Variants in GPHN observed in about 807,000 individuals in gnomAD.
GPHN encodes the protein gephyrin.
A neutral mutation model predicts 95.5 loss-of-function variants in GPHN; 17 were observed. The observed-to-expected ratio is 0.18, with a 90% confidence interval of 0.12 to 0.27. The LOEUF is 0.27. Among genes scored for constraint, GPHN ranks in the 10% least tolerant of loss-of-function variants. The probability of loss-of-function intolerance (pLI) is 1.00; values close to 1 mark genes in which losing one functional copy is unlikely to be tolerated. For missense variants in GPHN, 660 were observed against 978.1 expected (o/e 0.67, Z 4.34); for synonymous variants, 320 against 322.5 (o/e 0.99, Z 0.08).
chr14:67,192,844 A>G, the GPHN span, among the ~76,000 whole-genome samples: 6 of 146,236 alleles, frequency 4.1e-5, no homozygotes, highest in Non-Finnish European at 8.9e-5. Context: ...ATATATATCT[A>G]TATATAGATA....
At chr14:67,577,149 C>T in the GPHN span, among the ~76,000 whole-genome samples, 1 of 152,148 alleles carries the variant, frequency 6.6e-6, no homozygotes, top group African/African-American at 2.4e-5. Flanking sequence ...ACCTGTACAC[C>T]CCACACTCTA....
chr14:67,359,730 G>A, the GPHN span: 8 of 1,613,536 alleles, frequency 5.0e-6, no homozygotes, highest in Middle Eastern at 1.7e-4. Flanking sequence ...CGGGTCCCCG[G>A]CCGGGCAACC....
the GPHN span, among the ~76,000 whole-genome samples, chr14:67,614,337 T>A: frequency 2.0e-5 from 3 of 152,246 alleles, no homozygotes; most frequent in African/African-American, 2.4e-5. Context: ...ACACTGCCTT[T>A]GAGAATTTGT....
intron 8 of GPHN, among the ~76,000 whole-genome samples, chr14:66,936,011 G>A (rs964796521): frequency 1.4e-4 from 21 of 152,088 alleles, no homozygotes; most frequent in African/African-American, 4.8e-4. Flanking sequence ...CTCTGCTATA[G>A]CACCTTTCAT....
At chr14:67,538,941 G>C in the GPHN span, among the ~76,000 whole-genome samples, 1 of 152,180 alleles carries the variant, frequency 6.6e-6, no homozygotes, top group East Asian at 1.9e-4. Context: ...TGATAATTTG[G>C]GTTTTCACTC....
chr14:67,477,726 A>T, the GPHN span, among the ~76,000 whole-genome samples: 1 of 152,204 alleles, frequency 6.6e-6, no homozygotes. Context: ...GAACTCTTGA[A>T]TTCAAGACTA....
the GPHN span, chr14:67,645,586 G>A: frequency 6.4e-7 from 1 of 1,571,604 alleles, no homozygotes; most frequent in Non-Finnish European, 8.6e-7. Flanking sequence ...GAGGACGTTT[G>A]TTATCGGTCA....
intron 13 of GPHN, among the ~76,000 whole-genome samples, chr14:67,108,961 AT>A (rs1244079643): frequency 6.6e-6 from 1 of 151,942 alleles, no homozygotes; most frequent in African/African-American, 2.4e-5. Flanking sequence ...TTGTTGGGCA[AT>A]TTTCTTGTTG....
intron 1 of GPHN, among the ~76,000 whole-genome samples, chr14:66,672,206 A>G (rs2066336221): frequency 6.6e-6 from 1 of 152,112 alleles, no homozygotes; most frequent in East Asian, 1.9e-4. Context: ...CATGTTCTTT[A>G]GAAGTGTTTT....
intron 10 of GPHN, among the ~76,000 whole-genome samples, chr14:67,056,963 TAAGCCCCTCACTGC>T (rs1422240195): frequency 6.6e-6 from 1 of 152,146 alleles, no homozygotes; most frequent in African/African-American, 2.4e-5. Context: ...GCCTGGGGGC[TAAGCCCCTCACTGC>T]AGGGCCCGCC....
At chr14:66,582,304 TA>T (rs1389818870) in intron 1 of GPHN, among the ~76,000 whole-genome samples, 1 of 152,038 alleles carries the variant, frequency 6.6e-6, no homozygotes, top group Non-Finnish European at 1.5e-5. Flanking sequence ...AATGGGAAAT[TA>T]AAGGGAAATT....
chr14:67,354,857 A>C, the GPHN span, among the ~76,000 whole-genome samples: 2 of 152,356 alleles, frequency 1.3e-5, no homozygotes, highest in East Asian at 1.9e-4. Context: ...CTTGTTGCCC[A>C]GGCTAGAGTG....
chr14:67,398,839 G>A, the GPHN span, among the ~76,000 whole-genome samples: 1 of 152,198 alleles, frequency 6.6e-6, no homozygotes, highest in African/African-American at 2.4e-5. Context: ...AGGATTACAT[G>A]CATGAGCCAC....
chr14:67,670,470 C>T, the GPHN span, among the ~76,000 whole-genome samples: 1 of 152,126 alleles, frequency 6.6e-6, no homozygotes, highest in Admixed American at 6.5e-5. Context: ...TTTTTTGAAG[C>T]TTCCCCCTCT....
At chr14:67,667,740 C>T in the GPHN span, among the ~76,000 whole-genome samples, 1 of 152,160 alleles carries the variant, frequency 6.6e-6, no homozygotes, top group East Asian at 1.9e-4. Context: ...GTCAGGAGAT[C>T]GAGACCATCC....
chr14:67,256,321 T>G, the GPHN span, among the ~76,000 whole-genome samples: 1 of 152,210 alleles, frequency 6.6e-6, no homozygotes, highest in African/African-American at 2.4e-5. Context: ...CACTTGCGTT[T>G]GTTTCATGTC....
At chr14:66,705,499 G>A (rs540972606) in intron 2 of GPHN, among the ~76,000 whole-genome samples, 55 of 152,268 alleles carry the variant, frequency 3.6e-4, no homozygotes, top group Non-Finnish European at 6.5e-4. Context: ...TGGGATGCAA[G>A]GCTGGTTCAA....
the GPHN span, among the ~76,000 whole-genome samples, chr14:67,207,481 A>C: frequency 2.8e-4 from 43 of 152,106 alleles, no homozygotes; most frequent in Admixed American, 5.2e-4. Context: ...ACCTCCCACT[A>C]GGCCCACTTC....
At chr14:67,619,955 G>C in the GPHN span, 1 of 1,527,342 alleles carries the variant, frequency 6.5e-7, no homozygotes. Context: ...CCTCTGCCTT[G>C]GAGATTCTCA....
Sources: allele counts gnomAD v4.1 joint callset (sites outside exome capture counted in the v4.1 genomes callset), GRCh38; gene constraint gnomAD v4.1.1; transcripts MANE v1.5; gene names NCBI Gene and HGNC (gene_info 2026-07-23, HGNC 2026-07-21).